The following PROCR variants were observed in gnomAD, a reference collection of about 807,000 sequenced individuals.
The protein encoded by PROCR is endothelial protein C receptor.
A neutral mutation model predicts 24.2 loss-of-function variants in PROCR; 22 were observed. That is an observed-to-expected ratio of 0.91 (90% CI 0.65 to 1.30). PROCR has a LOEUF of 1.30. Among genes scored for constraint, PROCR ranks in the 50% most tolerant of loss-of-function variants. The pLI, the probability that PROCR is intolerant of heterozygous loss-of-function variation, is 0.00. For missense variants in PROCR, 288 were observed against 307.7 expected, an observed-to-expected ratio of 0.94 and a Z score of 0.48; for synonymous variants, 137 against 139.2, an observed-to-expected ratio of 0.98 and a Z score of 0.11.
At chr20:35,185,437 C>G (rs1350670210) in intron 1 of PROCR, among the ~76,000 whole-genome samples, 1 of 152,166 alleles carries the variant, frequency 6.6e-6, no homozygotes, top group East Asian at 1.9e-4. Context: ...CTTGCACACG[C>G]AAGTTTATAG....
Position 35,208,495 on chromosome 20 carries a change from A to G in PROCR, c.95-7398A>G, listed in dbSNP as rs116232623. ...TCCAGAGAAGGAAATAGTCTCAGAA[A>G]GGTTAAGTCATTTATCTGAAGTTGC... On this transcript the variant is annotated intron_variant, in intron 1 of 1. Transcript: ENST00000634509. Among the ~76,000 whole-genome samples, 1,108 of 152,296 alleles carry G rather than the reference A, an allele frequency of 7.3e-3. 13 individuals carry two copies. Among genetic ancestry groups the G allele is most frequent in the African/African-American group, 0.023 (969 of 41,544 alleles).
At chr20:35,181,274 T>TTTTA (rs1174347669), downstream of PROCR, among the ~76,000 whole-genome samples, 9 of 151,238 alleles carry the variant, frequency 6.0e-5, no homozygotes, top group African/African-American at 2.2e-4. Context: ...TTTAATTTAA[T>TTTTA]TTTATTTTAT....
At chr20:35,185,868 T>A (rs2086121402) in intron 1 of PROCR, among the ~76,000 whole-genome samples, 1 of 151,944 alleles carries the variant, frequency 6.6e-6, no homozygotes, top group Non-Finnish European at 1.5e-5. Context: ...CTCGATAACT[T>A]ATGGAAAAAT....
Position 35,174,682 on chromosome 20 carries a change from G to T in PROCR, c.71-20G>T. 1 of 1,613,692 alleles carries T rather than the reference G, an allele frequency of 6.2e-7. No homozygotes were observed. The highest frequency in any genetic ancestry group is 1.1e-5 in the South Asian group (1 of 91,086). On this transcript the variant is annotated intron_variant, in intron 1 of 3. Coordinates refer to ENST00000216968, the MANE Select transcript of PROCR (RefSeq NM_006404.5). ...GCCCCCTCCCACGCCGGCCCAGGCTGAAGCTGACTCTGCCCGCAGGCCTCC... is the reference window on the plus strand; with the variant it reads ...GCCCCCTCCCACGCCGGCCCAGGCTTAAGCTGACTCTGCCCGCAGGCCTCC...
downstream of PROCR, among the ~76,000 whole-genome samples, chr20:35,178,382 C>T (rs554213081): frequency 3.8e-4 from 36 of 95,538 alleles, no homozygotes; most frequent in Non-Finnish European, 6.3e-4. Context: ...CCAGCCTGGG[C>T]AACAGAGTGA....
At chr20:35,171,132 C>T (rs905760742), upstream of PROCR, among the ~76,000 whole-genome samples, 2 of 152,114 alleles carry the variant, frequency 1.3e-5, no homozygotes, top group Non-Finnish European at 2.9e-5. Context: ...AACTCCTGGC[C>T]TCAAGTGATC....
At chr20:35,195,623 C>A (rs2086208671) in intron 1 of PROCR, among the ~76,000 whole-genome samples, 1 of 151,908 alleles carries the variant, frequency 6.6e-6, no homozygotes, top group Admixed American at 6.6e-5. Flanking sequence ...GAGTTTGAGA[C>A]CAGCCTGGTC....
At chr20:35,181,066 C>T (rs1206166002), downstream of PROCR, among the ~76,000 whole-genome samples, 1 of 150,824 alleles carries the variant, frequency 6.6e-6, no homozygotes, top group Non-Finnish European at 1.5e-5. Context: ...CGGGGTTTCA[C>T]CATGTTGGTC....
intron 1 of PROCR, among the ~76,000 whole-genome samples, chr20:35,187,549 A>G (rs1162796220): frequency 6.6e-6 from 1 of 152,196 alleles, no homozygotes; most frequent in East Asian, 1.9e-4. Flanking sequence ...GTAAGGTACT[A>G]CTTGGAGGGA....
chr20:35,213,192 G>A (rs145399515), intron 1 of PROCR, among the ~76,000 whole-genome samples: 2 of 152,282 alleles, frequency 1.3e-5, no homozygotes, highest in East Asian at 1.9e-4. Context: ...AATTAGTCAG[G>A]TATGGTGGCA....
At chr20:35,197,776 C>A (rs1198565920) in intron 1 of PROCR, among the ~76,000 whole-genome samples, 1 of 148,634 alleles carries the variant, frequency 6.7e-6, no homozygotes, top group Admixed American at 6.8e-5. Context: ...GAGCCGAGAT[C>A]GCGCCACTGC....
In PROCR at chr20:35,176,167, G is replaced by T; in HGVS notation, c.323-1G>T. On this transcript the variant is annotated splice_acceptor_variant, in intron 2 of 3. Coordinates refer to ENST00000216968, the MANE Select transcript of PROCR (RefSeq NM_006404.5). LOFTEE classifies it high-confidence loss of function. ...CCCTGACCCTGACTGTCTATCCACA[G>T]TTCCTCTGACCATCCGCTGCTTCCT... 3 of 1,613,848 alleles carry T rather than the reference G, an allele frequency of 1.9e-6. No individual in the cohort carries two copies. The highest frequency in any genetic ancestry group is 2.5e-6 in the Non-Finnish European group (3 of 1,179,800).
Position 35,174,909 on chromosome 20 carries a change from T to G in PROCR, c.278T>G (p.Phe93Cys). 7 of 1,573,610 alleles carry G rather than the reference T, an allele frequency of 4.4e-6. No homozygotes were observed. The highest frequency in any genetic ancestry group is 6.0e-6 in the Non-Finnish European group (7 of 1,157,402). The change falls in exon 2 of 4, where the codon TTC (phenylalanine) becomes TGC (cysteine). Residue 93 changes from phenylalanine (F) to cysteine (C), a missense_variant. Coordinates refer to ENST00000216968, the MANE Select transcript of PROCR (RefSeq NM_006404.5). ...GGCCTGCAGTCCTACCTGCTCCAGT[T>G]CCACGGCCTCGTGCGCCTGGTGCAC... Reference protein sequence around the residue: ...QSGLQSYLLQFHGLVRLVHQE... With the variant: ...QSGLQSYLLQCHGLVRLVHQE...
At chr20:35,207,598 C>T (rs1487724708) in intron 1 of PROCR, among the ~76,000 whole-genome samples, 1 of 151,724 alleles carries the variant, frequency 6.6e-6, no homozygotes, top group Non-Finnish European at 1.5e-5. Context: ...GGTATGATCT[C>T]GGCTCACTGC....
Position 35,174,704 on chromosome 20 carries a change from C to A in PROCR, c.73C>A (p.Leu25Ile). The change falls in exon 2 of 4, where the codon CTC becomes ATC. Residue 25 changes from leucine (L) to isoleucine (I), a missense_variant and splice_region_variant. Leu to Ile is a conservative substitution (Grantham distance 5). Transcript: ENST00000216968. ...GCTGAAGCTGACTCTGCCCGCAGGC[C>A]TCCAAAGACTTCATATGCTCCAGAT... The part of the protein sequence containing the change: ...AFCSQDASDG[L>I]QRLHMLQISY... The A allele has an allele frequency of 6.2e-7, 1 of 1,614,050 alleles. No homozygotes were observed. Among genetic ancestry groups the A allele is most frequent in the Non-Finnish European group, 8.5e-7 (1 of 1,180,010 alleles).
At chr20:35,201,570 C>T (rs2060318331) in intron 1 of PROCR, among the ~76,000 whole-genome samples, 1 of 152,070 alleles carries the variant, frequency 6.6e-6, no homozygotes, top group Admixed American at 6.6e-5. Context: ...TGCCTGTAAT[C>T]CCAGCTACTC....
chr20:35,211,093 G>C (rs1230930348), intron 1 of PROCR, among the ~76,000 whole-genome samples: 3 of 152,116 alleles, frequency 2.0e-5, no homozygotes, highest in African/African-American at 7.2e-5. Context: ...TTCTCAGGTG[G>C]AGTACATCTG....
At chr20:35,178,109 C>A (rs1225934632), downstream of PROCR, among the ~76,000 whole-genome samples, 1 of 151,882 alleles carries the variant, frequency 6.6e-6, no homozygotes, top group Non-Finnish European at 1.5e-5. Flanking sequence ...TCTTTAAGAG[C>A]ATGTGTTTTG....
intron 1 of PROCR, among the ~76,000 whole-genome samples, chr20:35,203,642 A>T (rs938637525): frequency 2.6e-4 from 40 of 151,884 alleles, no homozygotes; most frequent in African/African-American, 9.4e-4. Flanking sequence ...AAAGAAAAAA[A>T]AGAGAACTCT....
Sources: gnomAD v4.1 joint callset for allele counts (sites outside exome capture counted in the v4.1 genomes callset) on GRCh38, gnomAD v4.1.1 for gene constraint, MANE v1.5 for transcripts, NCBI Gene and HGNC (gene_info 2026-07-23, HGNC 2026-07-21) for gene names.